Variants in TBX20 observed in about 807,000 individuals in gnomAD.
The protein encoded by TBX20 is T-box transcription factor 20, also known as T-box transcription factor TBX20.
A neutral mutation model predicts 42.9 loss-of-function variants in TBX20; 8 were observed. That is an observed-to-expected ratio of 0.19 (90% CI 0.11 to 0.34). TBX20 has a LOEUF of 0.34. Ranked by LOEUF, TBX20 falls within the 10% of genes least tolerant of loss-of-function variation. TBX20 has a pLI of 1.00. For missense variants in TBX20, 411 were observed against 566.0 expected, an observed-to-expected ratio of 0.73 and a Z score of 2.78; for synonymous variants, 198 against 222.8, an observed-to-expected ratio of 0.89 and a Z score of 0.99.
chr7:35,216,370 C>T (rs1789590265), intron 6 of TBX20, among the ~76,000 whole-genome samples: 1 of 152,200 alleles, frequency 6.6e-6, no homozygotes, highest in African/African-American at 2.4e-5. Context: ...TATCTTGAAC[C>T]CTGCCCAGCT....
At chr7:35,240,662 G>GT (rs1246356570) in intron 5 of TBX20, among the ~76,000 whole-genome samples, 1 of 152,154 alleles carries the variant, frequency 6.6e-6, no homozygotes, top group African/African-American at 2.4e-5. Context: ...GAAGTGGGCA[G>GT]TTAAAAACCT....
At chr7:35,215,236 A>G (rs1173025256) in intron 6 of TBX20, among the ~76,000 whole-genome samples, 1 of 152,226 alleles carries the variant, frequency 6.6e-6, no homozygotes, top group Non-Finnish European at 1.5e-5. Flanking sequence ...TTAGGCCTGG[A>G]AGTGAACTGA....
intron 6 of TBX20, among the ~76,000 whole-genome samples, 171 bp from the exon 7 acceptor site, chr7:35,204,753 C>T (rs375062457): frequency 8.5e-4 from 130 of 152,260 alleles, no homozygotes; most frequent in African/African-American, 3.0e-3. Flanking sequence ...TGTACAGTGA[C>T]TCCTCAGAGA....
intron 1 of TBX20, among the ~76,000 whole-genome samples, chr7:35,251,732 C>A (rs202160758): frequency 6.6e-5 from 10 of 152,160 alleles, no homozygotes; most frequent in Non-Finnish European, 1.0e-4. Context: ...TTTAAAAGGG[C>A]AATCCTGGGA....
chr7:35,211,668 TATG>T (rs1473314799), intron 6 of TBX20, among the ~76,000 whole-genome samples: 1 of 152,132 alleles, frequency 6.6e-6, no homozygotes, highest in Non-Finnish European at 1.5e-5. Context: ...ACTTTTGACT[TATG>T]ATATTTTCAA....
At chr7:35,209,099 T>A (rs1346625955) in intron 6 of TBX20, among the ~76,000 whole-genome samples, 4 of 152,260 alleles carry the variant, frequency 2.6e-5, no homozygotes, top group Non-Finnish European at 4.4e-5. Context: ...ATCGTTTTTT[T>A]AATTCAATTT....
At chr7:35,243,815 C>A (rs2128715045) in intron 4 of TBX20, among the ~76,000 whole-genome samples, 1 of 152,192 alleles carries the variant, frequency 6.6e-6, no homozygotes, top group Admixed American at 6.5e-5. Context: ...CCAACAGCAC[C>A]ACCAGTAGAG....
chr7:35,248,796 A>G lies in TBX20; in HGVS notation c.426T>C (p.Pro142=), dbSNP rs373924069. 4.4e-5 allele frequency: 71 copies of G among 1,614,062 alleles called. No homozygotes were observed. Among genetic ancestry groups the G allele is most frequent in the Non-Finnish European group, 5.8e-5 (68 of 1,180,038 alleles). The stretch of plus-strand genomic sequence containing the variant: ...CCATCAGGACTATGTACTTGGCCTC[A>G]GGATCCACCCCCGAAAAGGACACCC... ...TIRVSFSGVD[P]EAKYIVLMDI... The change falls in exon 3 of 8, where the codon CCT becomes CCC. Residue 142 remains proline (P), a synonymous_variant. Coordinates refer to ENST00000408931, the MANE Select transcript of TBX20 (RefSeq NM_001077653.2).
chr7:35,222,712 G>A (rs1398147364), intron 6 of TBX20, among the ~76,000 whole-genome samples: 3 of 152,060 alleles, frequency 2.0e-5, no homozygotes, highest in East Asian at 1.9e-4. Context: ...GACAGCCCTC[G>A]CCATGTTCAA....
rs1252507071 is a variant in TBX20, at chr7:35,238,107, A to C, written c.813+2772T>G. On this transcript the variant is annotated intron_variant, in intron 5 of 7. Coordinates refer to ENST00000408931, the MANE Select transcript of TBX20 (RefSeq NM_001077653.2). ...GTGCCTCAATTACCCCAACTGTACGATGCTGAATAAAAATACGATTGTTCC... is the reference window on the plus strand; with the variant it reads ...GTGCCTCAATTACCCCAACTGTACGCTGCTGAATAAAAATACGATTGTTCC... Among the ~76,000 whole-genome samples the C allele has an allele frequency of 2.6e-5, 4 of 152,212 alleles. No individual in the cohort carries two copies. The East Asian group carries it at 7.7e-4, about 29-fold the overall frequency.
chr7:35,221,927 C>G (rs1167479878), intron 6 of TBX20, among the ~76,000 whole-genome samples: 1 of 151,954 alleles, frequency 6.6e-6, no homozygotes, highest in Non-Finnish European at 1.5e-5. Flanking sequence ...ATTTTAAGTC[C>G]CAGATTATTT....
intron 6 of TBX20, among the ~76,000 whole-genome samples, chr7:35,204,995 T>C (rs1373069726): frequency 2.0e-5 from 3 of 152,230 alleles, no homozygotes; most frequent in Non-Finnish European, 4.4e-5. Context: ...AAATACTCAG[T>C]TGATACAAAT....
intron 7 of TBX20, among the ~76,000 whole-genome samples, 188 bp downstream of exon 7, chr7:35,204,282 T>A (rs985163170): frequency 4.6e-5 from 7 of 152,118 alleles, no homozygotes; most frequent in African/African-American, 1.7e-4. Flanking sequence ...TCATCGCCTA[T>A]GATTCAAAGG....
intron 5 of TBX20, among the ~76,000 whole-genome samples, chr7:35,239,709 A>G (rs1005730673): frequency 9.2e-5 from 14 of 152,048 alleles, no homozygotes; most frequent in African/African-American, 3.1e-4. Context: ...AGTTGGAATA[A>G]GCCCTATGGA....
intron 5 of TBX20, among the ~76,000 whole-genome samples, chr7:35,236,581 T>C (rs1449177588): frequency 6.6e-6 from 1 of 152,170 alleles, no homozygotes; most frequent in Non-Finnish European, 1.5e-5. Flanking sequence ...ACTGCACATA[T>C]GTTTACTGAG....
In TBX20 at chr7:35,253,920, CG is replaced by C; in HGVS notation, c.-301del. ...CGGCAGGACGACAGTCTGCACAGCCCGAAGGCGGAAACGAGCATCAACTGCA... is the reference window on the plus strand; with the variant it reads ...CGGCAGGACGACAGTCTGCACAGCCCAAGGCGGAAACGAGCATCAACTGCA... On this transcript the variant is annotated 5_prime_UTR_variant, in exon 1 of 8. An upstream open reading frame in the 5' UTR loses its in-frame stop. Transcript: ENST00000408931. 1 of 373,892 alleles carries C rather than the reference CG, an allele frequency of 2.7e-6. No individual in the cohort carries two copies. 23.2% of individuals were successfully genotyped at this position (373,892 alleles called of 1,614,324 possible). A position where few individuals can be genotyped will look rare whatever the true frequency, so the allele number is the denominator to read the frequency against.
At chr7:35,250,703 A>G (rs553663291) in intron 1 of TBX20, among the ~76,000 whole-genome samples, 1 of 152,334 alleles carries the variant, frequency 6.6e-6, no homozygotes, top group South Asian at 2.1e-4. Flanking sequence ...CCCTCTCTCC[A>G]TAAGAGAAAA....
At chr7:35,240,573 A>G (rs561100387) in intron 5 of TBX20, among the ~76,000 whole-genome samples, 6 of 152,308 alleles carry the variant, frequency 3.9e-5, no homozygotes, top group Non-Finnish European at 1.5e-5. Flanking sequence ...TATACATGTT[A>G]CCAGGAGGAG....
chr7:35,237,444 T>C (rs1789987213), intron 5 of TBX20, among the ~76,000 whole-genome samples: 1 of 151,826 alleles, frequency 6.6e-6, no homozygotes, highest in Non-Finnish European at 1.5e-5. Flanking sequence ...GATGTTGGGA[T>C]TACAAAAATA....
Sources: allele counts gnomAD v4.1 joint callset (sites outside exome capture counted in the v4.1 genomes callset), GRCh38; gene constraint gnomAD v4.1.1; transcripts MANE v1.5; gene names NCBI Gene and HGNC (gene_info 2026-07-23, HGNC 2026-07-21).